The following PRRC2C variants were observed in gnomAD, a reference collection of about 807,000 sequenced individuals.
PRRC2C encodes the protein proline rich coiled-coil 2C.
Under a neutral mutation model 317.2 loss-of-function variants are expected in PRRC2C, and 72 were observed. The ratio of observed to expected loss-of-function variants is 0.23; its 90% CI spans 0.19 to 0.28. The LOEUF is 0.28. Ranked by LOEUF, PRRC2C falls within the 10% of genes least tolerant of loss-of-function variation. The probability of loss-of-function intolerance (pLI) is 1.00; values close to 1 mark genes in which losing one functional copy is unlikely to be tolerated. For missense variants in PRRC2C, 3,074 were observed against 3,459.7 expected (o/e 0.89, Z 2.80); for synonymous variants, 1,296 against 1,205.9 (o/e 1.07, Z -1.55).
chr1:171,492,921 T>G (rs944194375), intron 1 of PRRC2C, among the ~76,000 whole-genome samples: 15 of 151,958 alleles, frequency 9.9e-5, no homozygotes, highest in African/African-American at 3.6e-4. Flanking sequence ...CTGGCTAATC[T>G]TTGTATTTTT....
chr1:171,579,257 A>G (rs1647955995), intron 26 of PRRC2C, 97 bp from the exon 27 acceptor site: 1 of 1,432,500 alleles, frequency 7.0e-7, no homozygotes, highest in Non-Finnish European at 9.2e-7. Context: ...GGTGCACTTA[A>G]TTTGGAATCT....
At position 171,532,702 on chromosome 1, in the gene PRRC2C, G is replaced by A; in HGVS notation, c.1614G>A (p.Glu538=). The change falls in exon 12 of 35, where the codon GAG becomes GAA. Residue 538 remains glutamate, a synonymous_variant. Transcript: ENST00000647382. ...EREKEREKDR[E]RQQEKEKELE... The stretch of plus-strand genomic sequence containing the variant: ...AGAAGGAGAGGGAAAAAGACAGAGA[G>A]AGACAGCAGGAAAAGGAGAAAGAGC... 1 of 1,550,686 alleles carries A rather than the reference G, an allele frequency of 6.4e-7. No individual in the cohort carries two copies. The highest frequency in any genetic ancestry group is 8.7e-7 in the Non-Finnish European group (1 of 1,146,922).
At chr1:171,538,079 TTTAG>T (rs1329340119) in intron 15 of PRRC2C, among the ~76,000 whole-genome samples, 2 of 152,142 alleles carry the variant, frequency 1.3e-5, no homozygotes, top group African/African-American at 4.8e-5. Context: ...TTTTTGTATT[TTTAG>T]TAGAGACGGG....
rs372565912 is a variant in PRRC2C at position 171,540,472 on chromosome 1, C to T, written c.3006C>T (p.Asn1002=). 56 of 1,612,750 alleles carry T rather than the reference C, an allele frequency of 3.5e-5. No individual in the cohort carries two copies. The African/African-American group carries it at 7.0e-4, about 20-fold the overall frequency. ...ETRWGPRPSS[N]RREEVNDRPV... is the part of the protein sequence containing the mutation. ...GTTGGGGCCCACGACCAAGCTCTAA[C>T]AGAAGGGAAGAAGTTAATGATAGAC... The change falls in exon 16 of 35, where the codon AAC becomes AAT. Residue 1002 remains asparagine, a synonymous_variant. Transcript: ENST00000647382.
Position 171,589,477 on chromosome 1 carries a change from C to T in PRRC2C, c.8308C>T (p.Pro2770Ser). 7.8e-7 allele frequency: 1 copy of T among 1,289,824 alleles called. No individual in the cohort carries two copies. The highest frequency in any genetic ancestry group is 1.0e-6 in the Non-Finnish European group (1 of 988,852). 79.9% of individuals were successfully genotyped at this position (1,289,824 alleles called of 1,614,324 possible). A position where few individuals can be genotyped will look rare whatever the true frequency, so the allele number is the denominator to read the frequency against. The change falls in exon 34 of 35, where the codon CCT becomes TCT. Residue 2770 changes from proline (P) to serine (S), a missense_variant. By Grantham distance (74) the Pro-to-Ser change is moderately conservative (BLOSUM62 -1). Coordinates refer to ENST00000647382, the MANE Select transcript of PRRC2C (RefSeq NM_001387844.1). ...AATGGCACTGGCCAGTCAGATGCCT[C>T]CTCCGCTGACCACAGGCCTCATGAG... ...PPMALASQMP[P>S]PLTTGLMSHA...
chr1:171,569,606 CT>C, intron 23 of PRRC2C, among the ~76,000 whole-genome samples: 1 of 37,328 alleles, frequency 2.7e-5, no homozygotes, highest in African/African-American at 9.3e-5. Flanking sequence ...TTTTTTTTTT[CT>C]TTTTTTAACT....
intron 30 of PRRC2C, among the ~76,000 whole-genome samples, chr1:171,586,251 A>G (rs113900061): frequency 2.4e-4 from 36 of 147,060 alleles, no homozygotes; most frequent in Non-Finnish European, 4.0e-4. Flanking sequence ...TATTTTATTT[A>G]TTTATTTATT....
intron 7 of PRRC2C, 116 bp downstream of exon 7, chr1:171,522,375 A>G (rs534607950): frequency 3.5e-6 from 2 of 564,648 alleles, no homozygotes; most frequent in Non-Finnish European, 3.1e-6. Flanking sequence ...CTATCCTCAC[A>G]GTACAGTTGT....
rs1679653585 is a variant in PRRC2C at position 171,548,833 on chromosome 1, A to ATTTATT, written c.4973-1250_4973-1245dup. On this transcript the variant is annotated intron_variant, in intron 17 of 34. Transcript: ENST00000647382. ...TCTTACATTCACACACAGCTTACAC[A>ATTTATT]TTTATTTTAATTAATTAACTTATTC... Among the ~76,000 whole-genome samples the ATTTATT allele has an allele frequency of 2.0e-5, 3 of 152,266 alleles. No homozygotes were observed. In the South Asian group the frequency reaches 6.2e-4, roughly 32 times the overall value.
chr1:171,581,645 G>A (rs1039642507), intron 28 of PRRC2C, among the ~76,000 whole-genome samples: 2 of 152,136 alleles, frequency 1.3e-5, no homozygotes, highest in African/African-American at 4.8e-5. Context: ...TCAGCATAGT[G>A]TTTATTAGGG....
rs1385234184 is a variant in PRRC2C at position 171,566,404 on chromosome 1, C to T, written c.6289C>T (p.Pro2097Ser). The change falls in exon 21 of 35, where the codon CCT (proline) becomes TCT (serine). Residue 2097 changes from proline (P) to serine (S), a missense_variant. Pro to Ser is a moderately conservative substitution (Grantham distance 74). This residue lies in a region of PRRC2C where 640 missense variants were observed against 676.1 expected (regional missense o/e 0.95). Transcript: ENST00000647382. Reference sequence around the variant, plus strand: ...GCGGCAGAAGCAGCCACGAGCAGGACCTATCAAAGCCCAGAAGGTAAATAT... The same window carrying T: ...GCGGCAGAAGCAGCCACGAGCAGGATCTATCAAAGCCCAGAAGGTAAATAT... ...EQRQKQPRAG[P>S]IKAQKLPDLS... 4 of 1,576,940 alleles carry T rather than the reference C, an allele frequency of 2.5e-6. No homozygotes were observed. Among genetic ancestry groups the T allele is most frequent in the Non-Finnish European group, 2.6e-6 (3 of 1,161,066 alleles).
chr1:171,554,714 C>T (rs1193307641), intron 18 of PRRC2C, among the ~76,000 whole-genome samples: 1 of 152,184 alleles, frequency 6.6e-6, no homozygotes, highest in Non-Finnish European at 1.5e-5. Flanking sequence ...TTCTCCTTCA[C>T]TTACGAAGCT....
Position 171,591,592 on chromosome 1 carries a change from G to A in PRRC2C, c.8442G>A (p.Lys2814=), listed in dbSNP as rs371783588. The A allele has an allele frequency of 4.3e-6, 7 of 1,612,600 alleles. No homozygotes were observed. Among genetic ancestry groups the A allele is most frequent in the Middle Eastern group, 1.7e-4 (1 of 6,054 alleles). Residue 2814 remains lysine (K), a synonymous_variant, in exon 35 of 35, where the codon AAG becomes AAA. Coordinates refer to ENST00000647382, the MANE Select transcript of PRRC2C (RefSeq NM_001387844.1). The part of the protein sequence containing the change: ...ALKAEQDMKA[K]QRAEVLQSTQ... ...GTTCTTTCTCATTTTTTAAGGCAAA[G>A]CAGAGAGCAGAGGTTCTTCAGTCCA...
intron 12 of PRRC2C, among the ~76,000 whole-genome samples, chr1:171,535,080 A>G (rs1676568730): frequency 6.6e-6 from 1 of 152,152 alleles, no homozygotes; most frequent in Non-Finnish European, 1.5e-5. Flanking sequence ...TTAATGAACT[A>G]CCAGTAAATA....
At chr1:171,555,769 G>C (rs1193907528) in intron 18 of PRRC2C, among the ~76,000 whole-genome samples, 1 of 152,138 alleles carries the variant, frequency 6.6e-6, no homozygotes. Flanking sequence ...CACTGCCTGG[G>C]TATCACCAGC....
intron 1 of PRRC2C, among the ~76,000 whole-genome samples, chr1:171,506,625 C>A: frequency 8.1e-6 from 1 of 123,630 alleles, no homozygotes; most frequent in African/African-American, 3.1e-5. Flanking sequence ...TAAGCTTTTT[C>A]CACTTTATCT....
intron 23 of PRRC2C, among the ~76,000 whole-genome samples, 158 bp from the exon 24 acceptor site, chr1:171,571,162 A>G (rs1171230182): frequency 1.3e-5 from 2 of 152,080 alleles, no homozygotes; most frequent in African/African-American, 4.8e-5. Flanking sequence ...TTAATTACCA[A>G]CTACTATAAA....
rs143991052 is a variant in PRRC2C, at chr1:171,549,193, A to G, written c.4973-893A>G. Reference sequence around the variant, plus strand: ...TATTTCATTTTTTAAAACATTATTTATTTATTTATGTGTTTGTTTTTAAAG... The same window carrying G: ...TATTTCATTTTTTAAAACATTATTTGTTTATTTATGTGTTTGTTTTTAAAG... On this transcript the variant is annotated intron_variant, in intron 17 of 34. Transcript: ENST00000647382. Among the ~76,000 whole-genome samples the G allele has an allele frequency of 3.3e-3, 507 of 152,226 alleles. 6 individuals carry two copies. The highest frequency in any genetic ancestry group is 0.012 in the African/African-American group (483 of 41,546).
intron 1 of PRRC2C, among the ~76,000 whole-genome samples, chr1:171,486,897 T>C (rs899071888): frequency 1.3e-5 from 2 of 152,224 alleles, no homozygotes; most frequent in Non-Finnish European, 2.9e-5. Context: ...CTGCTTTGAC[T>C]GGAGCCATTT....
Sources: gnomAD v4.1 joint callset for allele counts (sites outside exome capture counted in the v4.1 genomes callset) on GRCh38, gnomAD v4.1.1 for gene constraint, gnomAD v4.1.1 regional missense constraint, MANE v1.5 for transcripts, NCBI Gene and HGNC (gene_info 2026-07-23, HGNC 2026-07-21) for gene names.